AGBL1: variants seen among roughly 807,000 people sequenced by gnomAD.
AGBL1 encodes cytosolic carboxypeptidase 4.
In AGBL1, 130 loss-of-function variants were observed where a neutral mutation model predicts 118.9. That is an observed-to-expected ratio of 1.09 (90% CI 0.95 to 1.26). AGBL1 has a LOEUF of 1.26. Among genes scored for constraint, AGBL1 ranks in the 50% most tolerant of loss-of-function variants. The pLI is 0.00. For missense variants in AGBL1, 1,584 were observed against 1,298.1 expected (o/e 1.22, Z -3.38); for synonymous variants, 555 against 478.9 (o/e 1.16, Z -2.08).
At chr15:86,782,305 C>T (rs2078347215) in intron 22 of AGBL1, among the ~76,000 whole-genome samples, 1 of 152,066 alleles carries the variant, frequency 6.6e-6, no homozygotes, top group Non-Finnish European at 1.5e-5. Flanking sequence ...TATATAATGT[C>T]TGAGTCATTA....
At chr15:86,306,520 T>C (rs2079843971) in intron 17 of AGBL1, among the ~76,000 whole-genome samples, 1 of 152,196 alleles carries the variant, frequency 6.6e-6, no homozygotes, top group Non-Finnish European at 1.5e-5. Context: ...TGAATAATAC[T>C]CCATTATGTA....
At position 86,279,790 on chromosome 15, in the gene AGBL1, T is replaced by A. The variant is rs2079319591; in HGVS notation, c.2220+7T>A. 6.2e-7 allele frequency: 1 copy of A among 1,613,308 alleles called. No individual in the cohort carries two copies. Among genetic ancestry groups the A allele is most frequent in the Non-Finnish European group, 8.5e-7 (1 of 1,179,538 alleles). On this transcript the variant is annotated splice_region_variant and intron_variant, in intron 16 of 22. Transcript: ENST00000614907. ...TACCTACACAGCCCTCATGGTAACT[T>A]CCTCTTTATAGCATCACTCCAGCAG...
At chr15:86,980,911 G>C (rs1157193288) in intron 23 of AGBL1, among the ~76,000 whole-genome samples, 2 of 85,574 alleles carry the variant, frequency 2.3e-5, no homozygotes, top group African/African-American at 9.4e-5. Flanking sequence ...TTTTGAGACA[G>C]AGTCTTGCTC....
intron 5 of AGBL1, among the ~76,000 whole-genome samples, chr15:86,206,231 G>T (rs1022666692): frequency 6.6e-6 from 1 of 152,108 alleles, no homozygotes; most frequent in Non-Finnish European, 1.5e-5. Context: ...CATTTGGGTT[G>T]GTTCCACGTT....
chr15:86,229,751 A>C (rs1418797319), intron 6 of AGBL1, among the ~76,000 whole-genome samples: 1 of 152,124 alleles, frequency 6.6e-6, no homozygotes, highest in African/African-American at 2.4e-5. Flanking sequence ...GCGGCACTTG[A>C]GTAAGTGTGC....
At chr15:86,784,698 A>G (rs1374130679) in intron 22 of AGBL1, among the ~76,000 whole-genome samples, 1 of 152,126 alleles carries the variant, frequency 6.6e-6, no homozygotes, top group Non-Finnish European at 1.5e-5. Context: ...TGTGGCTTCT[A>G]CTGCGTTATA....
At chr15:86,329,498 C>T (rs1218872926) in intron 17 of AGBL1, among the ~76,000 whole-genome samples, 1 of 152,114 alleles carries the variant, frequency 6.6e-6, no homozygotes, top group African/African-American at 2.4e-5. Context: ...ACCTGAGTCA[C>T]CTCACCCTTC....
chr15:86,386,664 T>C (rs980649727), intron 17 of AGBL1, among the ~76,000 whole-genome samples: 1 of 152,060 alleles, frequency 6.6e-6, no homozygotes, highest in Non-Finnish European at 1.5e-5. Flanking sequence ...AAAATGATGA[T>C]TCCACTCCTC....
At chr15:86,449,611 A>G (rs1424341947) in intron 18 of AGBL1, among the ~76,000 whole-genome samples, 1 of 152,258 alleles carries the variant, frequency 6.6e-6, no homozygotes, top group Non-Finnish European at 1.5e-5. Context: ...GGCAAGGATT[A>G]AGTAATGAAT....
intron 22 of AGBL1, among the ~76,000 whole-genome samples, chr15:86,880,777 C>A (rs1380311004): frequency 6.6e-6 from 1 of 151,860 alleles, no homozygotes; most frequent in Non-Finnish European, 1.5e-5. Flanking sequence ...GTATATGCCT[C>A]TGTGTGTGTG....
intron 22 of AGBL1, among the ~76,000 whole-genome samples, chr15:86,729,567 T>C (rs1241750836): frequency 6.6e-6 from 1 of 152,238 alleles, no homozygotes; most frequent in African/African-American, 2.4e-5. Context: ...CTTAGGATAA[T>C]GGCCTCCAGC....
chr15:86,806,675 G>A (rs2078717851), intron 22 of AGBL1, among the ~76,000 whole-genome samples: 1 of 151,730 alleles, frequency 6.6e-6, no homozygotes, highest in Non-Finnish European at 1.5e-5. Context: ...TTGTTATGAA[G>A]GTAAATTGAA....
chr15:86,982,126 A>T (rs2081237203), intron 23 of AGBL1, among the ~76,000 whole-genome samples: 1 of 152,126 alleles, frequency 6.6e-6, no homozygotes, highest in Non-Finnish European at 1.5e-5. Flanking sequence ...ATGTCCTCCC[A>T]AACTAGAAAA....
chr15:86,292,271 A>T (rs564547864), intron 16 of AGBL1, among the ~76,000 whole-genome samples: 5 of 152,256 alleles, frequency 3.3e-5, no homozygotes, highest in South Asian at 4.2e-4. Flanking sequence ...AGAGAAAAAA[A>T]TGGGACTGAA....
chr15:86,505,752 A>G (rs182788776), intron 18 of AGBL1, among the ~76,000 whole-genome samples: 1 of 151,964 alleles, frequency 6.6e-6, no homozygotes, highest in African/African-American at 2.4e-5. Flanking sequence ...TAAGTCTTAG[A>G]CAGTAAGTTC....
chr15:86,270,150 C>T lies in AGBL1; in HGVS notation c.1987+83C>T, dbSNP rs917299033. Reference sequence around the variant, plus strand: ...ACTGTTTGGATTCAAAGAGCCTTTGCTTGGGTTCAGAGGGTTTGAAGTTGG... The same window carrying T: ...ACTGTTTGGATTCAAAGAGCCTTTGTTTGGGTTCAGAGGGTTTGAAGTTGG... On this transcript the variant is annotated intron_variant, in intron 14 of 22. Transcript: ENST00000614907. The T allele has an allele frequency of 4.6e-6, 7 of 1,508,430 alleles. No individual in the cohort carries two copies. In the East Asian group the frequency reaches 7.4e-5, roughly 16 times the overall value. 93.4% of individuals were successfully genotyped at this position (1,508,430 alleles called of 1,614,324 possible).
At chr15:86,475,662 C>A (rs1327439143) in intron 18 of AGBL1, among the ~76,000 whole-genome samples, 1 of 152,172 alleles carries the variant, frequency 6.6e-6, no homozygotes, top group Non-Finnish European at 1.5e-5. Context: ...AGGATATTAT[C>A]CAGGAGAACT....
At chr15:86,887,716 C>A (rs1414393527) in intron 22 of AGBL1, among the ~76,000 whole-genome samples, 1 of 152,096 alleles carries the variant, frequency 6.6e-6, no homozygotes, top group Non-Finnish European at 1.5e-5. Context: ...CACCAAGATT[C>A]TTTTAGCCGC....
At chr15:86,932,230 T>A (rs1391604037) in intron 23 of AGBL1, among the ~76,000 whole-genome samples, 1 of 152,210 alleles carries the variant, frequency 6.6e-6, no homozygotes, top group Non-Finnish European at 1.5e-5. Flanking sequence ...TGCTAATGTA[T>A]AATGTAAAAT....
Sources: allele counts gnomAD v4.1 joint callset (sites outside exome capture counted in the v4.1 genomes callset), GRCh38; gene constraint gnomAD v4.1.1; transcripts MANE v1.5; gene names NCBI Gene and HGNC (gene_info 2026-07-23, HGNC 2026-07-21).